NME7: variants seen among roughly 807,000 people sequenced by gnomAD.
NME7 encodes NME/NM23 family member 7.
Under a neutral mutation model 49.1 loss-of-function variants are expected in NME7, and 41 were observed. The observed-to-expected ratio is 0.83, with a 90% CI of 0.65 to 1.08. The LOEUF (loss-of-function observed/expected upper bound fraction) is 1.08. NME7 is among the 50% of genes least tolerant of loss of function. NME7 has a pLI of 0.00. For missense variants in NME7, 423 were observed against 463.4 expected (o/e 0.91, Z 0.80); for synonymous variants, 139 against 150.6 (o/e 0.92, Z 0.56).
intron 2 of NME7, 117 bp from the exon 3 acceptor site, chr1:169,323,400 T>A: frequency 1.3e-6 from 1 of 776,418 alleles, no homozygotes; most frequent in Non-Finnish European, 1.8e-6. Flanking sequence ...ATAGGTTATA[T>A]TCTGTTTCTT....
chr1:169,234,108 C>T (rs921536738), intron 9 of NME7, among the ~76,000 whole-genome samples: 1 of 152,102 alleles, frequency 6.6e-6, no homozygotes, highest in Non-Finnish European at 1.5e-5. Context: ...AAAAGCATAA[C>T]ATGTTCCTTC....
At chr1:169,204,788 C>T (rs1237565116) in intron 10 of NME7, among the ~76,000 whole-genome samples, 6 of 152,054 alleles carry the variant, frequency 3.9e-5, no homozygotes, top group Non-Finnish European at 1.5e-5. Flanking sequence ...TTGACTACCA[C>T]TACATTTCAA....
chr1:169,250,819 C>G (rs1432827014), intron 7 of NME7, among the ~76,000 whole-genome samples: 1 of 151,926 alleles, frequency 6.6e-6, no homozygotes, highest in Admixed American at 6.6e-5. Context: ...TAGTTTTATT[C>G]CACTGTGGTC....
At chr1:169,217,801 T>C (rs1179021698) in intron 10 of NME7, among the ~76,000 whole-genome samples, 1 of 152,232 alleles carries the variant, frequency 6.6e-6, no homozygotes, top group East Asian at 1.9e-4. Flanking sequence ...GTAGCCTTTT[T>C]GTGCTGGTTG....
intron 11 of NME7, among the ~76,000 whole-genome samples, chr1:169,163,234 G>A (rs1389617250): frequency 6.6e-6 from 1 of 151,836 alleles, no homozygotes; most frequent in African/African-American, 2.4e-5. Flanking sequence ...AGGCGTACAC[G>A]AGGTTGAGTC....
intron 7 of NME7, among the ~76,000 whole-genome samples, chr1:169,278,886 T>C (rs1428705417): frequency 5.9e-5 from 9 of 152,198 alleles, no homozygotes; most frequent in Admixed American, 5.9e-4. Context: ...TTCTGTTTGT[T>C]AGTTTTCCTT....
At chr1:169,171,779 A>T (rs779018238) in intron 10 of NME7, among the ~76,000 whole-genome samples, 1 of 151,386 alleles carries the variant, frequency 6.6e-6, no homozygotes, top group Non-Finnish European at 1.5e-5. Flanking sequence ...CAACAACAAC[A>T]ACAAAAATGG....
chr1:169,258,113 G>C (rs1649028799), intron 7 of NME7, among the ~76,000 whole-genome samples: 1 of 131,326 alleles, frequency 7.6e-6, no homozygotes, highest in Admixed American at 7.5e-5. Flanking sequence ...CAAGTCAGGA[G>C]GACTCCTTGA....
At chr1:169,161,870 A>G (rs1312113393) in intron 11 of NME7, among the ~76,000 whole-genome samples, 1 of 152,242 alleles carries the variant, frequency 6.6e-6, no homozygotes, top group African/African-American at 2.4e-5. Context: ...CTCAGGGGTC[A>G]TGTGGTCCAG....
rs1208368 is a variant in NME7 at position 169,195,212 on chromosome 1, G to T, written c.991-25658C>A. Among the ~76,000 whole-genome samples, 1,332 of 152,120 alleles carry T rather than the reference G, an allele frequency of 8.8e-3. 12 individuals are homozygous for T. The highest frequency in any genetic ancestry group is 0.03 in the African/African-American group (1,261 of 41,496). On this transcript the variant is annotated intron_variant, in intron 10 of 11. Coordinates refer to ENST00000367811, the MANE Select transcript of NME7 (RefSeq NM_013330.5). Reference sequence around the variant, plus strand: ...ATATGTCTTTTGGAAACAATAAAAAGATACTTTTAAAATTCTTTAATTTTA... The same window carrying T: ...ATATGTCTTTTGGAAACAATAAAAATATACTTTTAAAATTCTTTAATTTTA...
chr1:169,295,685 G>A (rs1388230796), intron 6 of NME7, among the ~76,000 whole-genome samples: 1 of 152,108 alleles, frequency 6.6e-6, no homozygotes, highest in Non-Finnish European at 1.5e-5. Context: ...CCATGCAGTT[G>A]AACAGGCTGG....
At position 169,253,601 on chromosome 1, in the gene NME7, T is replaced by G. The variant is rs946673729; in HGVS notation, c.755-15914A>C. Among the ~76,000 whole-genome samples the G allele has an allele frequency of 5.9e-5, 9 of 152,314 alleles. No homozygotes were observed. In the South Asian group the frequency reaches 1.2e-3, roughly 21 times the overall value. Reference sequence around the variant, plus strand: ...CGGGCCAGAATTTCAAACACTATGTTGAATAGGAGTGGTGAGAGAGGGCAT... The same window carrying G: ...CGGGCCAGAATTTCAAACACTATGTGGAATAGGAGTGGTGAGAGAGGGCAT... On this transcript the variant is annotated intron_variant, in intron 7 of 11. Coordinates refer to ENST00000367811, the MANE Select transcript of NME7 (RefSeq NM_013330.5).
At chr1:169,170,670 T>G (rs1659557971) in intron 10 of NME7, among the ~76,000 whole-genome samples, 1 of 152,150 alleles carries the variant, frequency 6.6e-6, no homozygotes, top group African/African-American at 2.4e-5. Context: ...ATCCCAACAC[T>G]TTCAGAGGTA....
chr1:169,146,026 T>G (rs1658737647), intron 11 of NME7, among the ~76,000 whole-genome samples: 1 of 152,204 alleles, frequency 6.6e-6, no homozygotes, highest in African/African-American at 2.4e-5. Flanking sequence ...CTAGCATACC[T>G]GTAACCATAA....
chr1:169,366,457 TG>T (rs1653857160), intron 1 of NME7, among the ~76,000 whole-genome samples: 1 of 152,144 alleles, frequency 6.6e-6, no homozygotes, highest in Admixed American at 6.5e-5. Context: ...ATGGAGGACA[TG>T]GTTTTGCTTT....
chr1:169,188,576 A>G (rs948556705), intron 10 of NME7, among the ~76,000 whole-genome samples: 1 of 152,226 alleles, frequency 6.6e-6, no homozygotes, highest in African/African-American at 2.4e-5. Context: ...CTGCACTTGC[A>G]TGTGGACATA....
At chr1:169,248,394 T>C (rs1041098342) in intron 7 of NME7, among the ~76,000 whole-genome samples, 6 of 152,280 alleles carry the variant, frequency 3.9e-5, no homozygotes, top group African/African-American at 1.4e-4. Context: ...GCTAGATGTA[T>C]AGTTTGCAGA....
intron 1 of NME7, among the ~76,000 whole-genome samples, chr1:169,362,709 G>GTT (rs1288262360): frequency 8.5e-5 from 13 of 152,170 alleles, no homozygotes; most frequent in Non-Finnish European, 1.3e-4. Context: ...TGGCTAGACT[G>GTT]AACACAGAGA....
intron 4 of NME7, 196 bp from the exon 5 acceptor site, chr1:169,303,391 A>G (rs996670564): frequency 3.5e-6 from 1 of 289,406 alleles, no homozygotes; most frequent in East Asian, 6.4e-5. Context: ...ATCAATGTAA[A>G]TAAAAATTAA....
Sources: gnomAD v4.1 joint callset for allele counts (sites outside exome capture counted in the v4.1 genomes callset) on GRCh38, gnomAD v4.1.1 for gene constraint, MANE v1.5 for transcripts, NCBI Gene and HGNC (gene_info 2026-07-23, HGNC 2026-07-21) for gene names.